The following TFAP2E variants were observed in gnomAD, a reference collection of about 807,000 sequenced individuals.
TFAP2E encodes the protein transcription factor AP-2-epsilon.
TFAP2E carries 30 observed loss-of-function variants against 37.9 expected under a neutral mutation model. The observed-to-expected ratio is 0.79, with a 90% confidence interval of 0.59 to 1.07. TFAP2E has a LOEUF of 1.07. Among genes scored for constraint, TFAP2E ranks in the 50% least tolerant of loss-of-function variants. TFAP2E has a pLI of 0.00. For missense variants in TFAP2E, 567 were observed against 637.9 expected (o/e 0.89, Z 1.20); for synonymous variants, 318 against 295.8 (o/e 1.08, Z -0.77).
Position 35,574,009 on chromosome 1 carries a change from C to T in TFAP2E, c.110C>T (p.Pro37Leu), listed in dbSNP as rs1320921345. 4.0e-6 allele frequency: 6 copies of T among 1,489,032 alleles called. No homozygotes were observed. The highest frequency in any genetic ancestry group is 4.4e-6 in the Non-Finnish European group (5 of 1,126,960). 92.2% of individuals were successfully genotyped at this position (1,489,032 alleles called of 1,614,324 possible). A position where few individuals can be genotyped will look rare whatever the true frequency, so the allele number is the denominator to read the frequency against. ...CAGGCGGCCTACGGGCCGGCGCCCC[C>T]GCTCTGCCACACGCCGGCCGCCACA... The part of the protein sequence containing the change: ...LPQAAYGPAP[P>L]LCHTPAATAA... Residue 37 changes from proline to leucine, a missense_variant, in exon 2 of 7, where the codon CCG (proline) becomes CTG (leucine). This residue lies in a region of TFAP2E where 312 missense variants were observed against 317.4 expected (regional missense o/e 0.98). Transcript: ENST00000373235.
At chr1:35,587,653 A>AAAG (rs1553121946) in intron 3 of TFAP2E, among the ~76,000 whole-genome samples, 15 of 147,790 alleles carry the variant, frequency 1.0e-4, no homozygotes, top group African/African-American at 3.1e-4. Flanking sequence ...AAAAAAAAAA[A>AAAG]AAAGAAAGAA....
At chr1:35,578,454 G>T (rs935192653) in intron 3 of TFAP2E, among the ~76,000 whole-genome samples, 10 of 151,722 alleles carry the variant, frequency 6.6e-5, no homozygotes, top group African/African-American at 2.4e-4. Flanking sequence ...GTTACAAACC[G>T]TGTGTGGGTT....
intron 3 of TFAP2E, among the ~76,000 whole-genome samples, chr1:35,587,362 G>A (rs569326482): frequency 3.9e-5 from 6 of 152,206 alleles, no homozygotes; most frequent in East Asian, 1.9e-4. Flanking sequence ...ACTTCTGGCC[G>A]GGCACGGTGG....
chr1:35,579,121 G>A lies in TFAP2E; in HGVS notation c.562+4121G>A, dbSNP rs1207187481. Among the ~76,000 whole-genome samples the A allele has an allele frequency of 6.8e-5, 10 of 147,286 alleles. No individual in the cohort carries two copies. In the East Asian group the frequency reaches 2.1e-3, roughly 31 times the overall value. ...AAAAAAAAAAAAAAGAGGCCGGGCG[G>A]CGGTGGCTCACACCATGTGATCCCA... On this transcript the variant is annotated intron_variant, in intron 3 of 6. Coordinates refer to ENST00000373235, the MANE Select transcript of TFAP2E (RefSeq NM_178548.4).
intron 3 of TFAP2E, among the ~76,000 whole-genome samples, chr1:35,582,216 T>A (rs1330758243): frequency 6.6e-6 from 1 of 152,156 alleles, no homozygotes; most frequent in Non-Finnish European, 1.5e-5. Context: ...GGTATCTCAG[T>A]ATAGTTTTAA....
chr1:35,589,060 G>A (rs1229450704), intron 4 of TFAP2E, among the ~76,000 whole-genome samples: 1 of 152,082 alleles, frequency 6.6e-6, no homozygotes, highest in Non-Finnish European at 1.5e-5. Context: ...TGAGTCTGAG[G>A]ATGGTGTGGA....
chr1:35,591,971 A>G (rs1649700576), intron 6 of TFAP2E, among the ~76,000 whole-genome samples: 1 of 152,156 alleles, frequency 6.6e-6, no homozygotes, highest in Non-Finnish European at 1.5e-5. Flanking sequence ...TACAGGTGTG[A>G]ACCACCACTC....
Position 35,577,300 on chromosome 1 carries a change from C to T in TFAP2E, c.562+2300C>T. On this transcript the variant is annotated intron_variant, in intron 3 of 6. Coordinates refer to ENST00000373235, the MANE Select transcript of TFAP2E (RefSeq NM_178548.4). The surrounding 1 kb of genome is among the most constrained non-coding windows in gnomAD (Gnocchi z 6.3). ...AGCCGCCCCTCCCCACACCTGCCCT[C>T]GGCGCCCCCAGCAGTTTTCACCTTG... The T allele has an allele frequency of 2.2e-6, 1 of 446,482 alleles. No homozygotes were observed. Among genetic ancestry groups the T allele is most frequent in the Non-Finnish European group, 4.5e-6 (1 of 220,310 alleles). 27.7% of individuals were successfully genotyped at this position (446,482 alleles called of 1,614,324 possible). A position where few individuals can be genotyped will look rare whatever the true frequency, so the allele number is the denominator to read the frequency against.
chr1:35,582,681 C>T (rs1422068834), intron 3 of TFAP2E, among the ~76,000 whole-genome samples: 1 of 150,952 alleles, frequency 6.6e-6, no homozygotes, highest in Admixed American at 6.6e-5. Flanking sequence ...ATAGGTCTCA[C>T]TAAGTTGTTC....
At chr1:35,576,189 G>C (rs915501179) in intron 3 of TFAP2E, among the ~76,000 whole-genome samples, 2 of 152,232 alleles carry the variant, frequency 1.3e-5, no homozygotes, top group African/African-American at 4.8e-5. Flanking sequence ...GGTGGTAGCA[G>C]GGCTGGGGCT....
At position 35,577,910 on chromosome 1, in the gene TFAP2E, C is replaced by A. The variant is rs1226993980; in HGVS notation, c.562+2910C>A. Among the ~76,000 whole-genome samples the A allele has an allele frequency of 6.6e-6, 1 of 152,194 alleles. No individual in the cohort carries two copies. The highest frequency in any genetic ancestry group is 2.4e-5 in the African/African-American group (1 of 41,446). On this transcript the variant is annotated intron_variant, in intron 3 of 6. Transcript: ENST00000373235. The surrounding 1 kb of genome is among the most constrained non-coding windows in gnomAD (Gnocchi z 6.3). ...GTATAAGGGAGCCCTCCATTTCCTG[C>A]CCACATTTGTCACCTCCAGTTTTGC...
chr1:35,586,429 GT>G lies in TFAP2E; in HGVS notation c.563-1897del, dbSNP rs552674741. 1.7e-3 allele frequency among the ~76,000 whole-genome samples: 252 copies of G among 152,288 alleles called. 2 individuals carry two copies. Among genetic ancestry groups the G allele is most frequent in the African/African-American group, 5.8e-3 (241 of 41,554 alleles). ...CAGGGAACTGACCGGGCTCTGATGAGTTTTAGGCTGAGTTTTTGGCTGCAGA... is the reference window on the plus strand; with the variant it reads ...CAGGGAACTGACCGGGCTCTGATGAGTTTAGGCTGAGTTTTTGGCTGCAGA... On this transcript the variant is annotated intron_variant, in intron 3 of 6. Coordinates refer to ENST00000373235, the MANE Select transcript of TFAP2E (RefSeq NM_178548.4).
intron 3 of TFAP2E, among the ~76,000 whole-genome samples, chr1:35,578,541 A>C (rs1649249282): frequency 6.6e-6 from 1 of 151,824 alleles, no homozygotes; most frequent in African/African-American, 2.4e-5. Flanking sequence ...CCTCTGGAGG[A>C]GAGTGGGTGG....
At chr1:35,580,635 C>T (rs1649322423) in intron 3 of TFAP2E, among the ~76,000 whole-genome samples, 1 of 151,936 alleles carries the variant, frequency 6.6e-6, no homozygotes, top group Admixed American at 6.6e-5. Context: ...ATTAGCTGGG[C>T]GTGGTGGCGG....
chr1:35,586,863 C>T (rs1392086864), intron 3 of TFAP2E, among the ~76,000 whole-genome samples: 1 of 152,208 alleles, frequency 6.6e-6, no homozygotes, highest in Non-Finnish European at 1.5e-5. Flanking sequence ...TGGCACCATT[C>T]TTGGCATGAA....
In TFAP2E at chr1:35,577,237, G is replaced by T; in HGVS notation, c.562+2237G>T. The T allele has an allele frequency of 2.5e-6, 1 of 393,922 alleles. No homozygotes were observed. 24.4% of individuals were successfully genotyped at this position (393,922 alleles called of 1,614,324 possible). A position where few individuals can be genotyped will look rare whatever the true frequency, so the allele number is the denominator to read the frequency against. On this transcript the variant is annotated intron_variant, in intron 3 of 6. Coordinates refer to ENST00000373235, the MANE Select transcript of TFAP2E (RefSeq NM_178548.4). This position sits in a 1 kb window ranked among gnomAD's most constrained non-coding sequence, Gnocchi z 6.3. ...AAGCGTGGGCGGTCGACCCAGGGCA[G>T]CTGCGGCGGCGAGGCAGGTGGGCTC...
chr1:35,590,620 T>TC lies in TFAP2E; in HGVS notation c.905-10dup. ...AGGTACACCCTGCAGTAGTGACAGC[T>TC]CCCCTCCCCCCAGGAGAGGCCGTGC... On this transcript the variant is annotated splice_polypyrimidine_tract_variant and intron_variant, in intron 5 of 6. Coordinates refer to ENST00000373235, the MANE Select transcript of TFAP2E (RefSeq NM_178548.4). This position sits in a 1 kb window ranked among gnomAD's most constrained non-coding sequence, Gnocchi z 6.2. 6.9e-7 allele frequency: 1 copy of TC among 1,454,846 alleles called. No individual in the cohort carries two copies. The highest frequency in any genetic ancestry group is 1.5e-5 in the South Asian group (1 of 66,170). 90.1% of individuals were successfully genotyped at this position (1,454,846 alleles called of 1,614,324 possible).
At chr1:35,591,053 G>A (rs990725878) in intron 6 of TFAP2E, among the ~76,000 whole-genome samples, 1 of 152,040 alleles carries the variant, frequency 6.6e-6, no homozygotes, top group South Asian at 2.1e-4. Flanking sequence ...GCACACACAC[G>A]TACCTGCGGC....
At position 35,594,820 on chromosome 1, in the gene TFAP2E, A is replaced by ATC; in HGVS notation, c.*146_*147dup. ...TCATCCAGAGATCCCAGAGTTGGGG[A>ATC]TCTGGCTTGGAGTAAGGGAGGGTGG... On this transcript the variant is annotated 3_prime_UTR_variant, in exon 7 of 7. Coordinates refer to ENST00000373235, the MANE Select transcript of TFAP2E (RefSeq NM_178548.4). The ATC allele has an allele frequency of 7.6e-7, 1 of 1,314,926 alleles. No individual in the cohort carries two copies. The highest frequency in any genetic ancestry group is 1.0e-6 in the Non-Finnish European group (1 of 968,260). The allele number at this position is 1,314,926 out of a possible 1,614,324, so 81.5% of individuals were successfully genotyped here.
Sources: allele counts gnomAD v4.1 joint callset (sites outside exome capture counted in the v4.1 genomes callset), GRCh38; gene constraint gnomAD v4.1.1; regional missense constraint gnomAD v4.1.1; non-coding constraint Gnocchi (gnomAD v3.1); transcripts MANE v1.5; gene names NCBI Gene and HGNC (gene_info 2026-07-23, HGNC 2026-07-21).